The following SEZ6L variants were observed in gnomAD, a reference collection of about 807,000 sequenced individuals.
SEZ6L encodes the protein seizure 6-like protein.
A neutral mutation model predicts 106.2 loss-of-function variants in SEZ6L; 37 were observed. That is an observed-to-expected ratio of 0.35 (90% CI 0.27 to 0.46). The LOEUF (loss-of-function observed/expected upper bound fraction) is 0.46. Ranked by LOEUF, SEZ6L falls within the 20% of genes least tolerant of loss-of-function variation. SEZ6L has a pLI of 1.00. For missense variants in SEZ6L, 1,172 were observed against 1,332.8 expected (o/e 0.88, Z 1.88); for synonymous variants, 541 against 570.4 (o/e 0.95, Z 0.73).
At chr22:26,295,877 A>G (rs1206994394) in intron 3 of SEZ6L, among the ~76,000 whole-genome samples, 2 of 152,204 alleles carry the variant, frequency 1.3e-5, no homozygotes, top group African/African-American at 4.8e-5. Flanking sequence ...CAGCAAAGGA[A>G]CAGGCAAACT....
At chr22:26,193,892 T>G (rs116760203) in intron 1 of SEZ6L, among the ~76,000 whole-genome samples, 332 of 152,278 alleles carry the variant, frequency 2.2e-3, no homozygotes, top group African/African-American at 7.8e-3. Flanking sequence ...GGGAAAGAAG[T>G]TAACCAGAAT....
At chr22:26,260,229 C>A (rs1358212706) in intron 1 of SEZ6L, among the ~76,000 whole-genome samples, 1 of 152,046 alleles carries the variant, frequency 6.6e-6, no homozygotes, top group Non-Finnish European at 1.5e-5. Flanking sequence ...GATTTTGGTG[C>A]ACCCATCACC....
intron 9 of SEZ6L, among the ~76,000 whole-genome samples, chr22:26,316,558 A>C (rs1368997144): frequency 1.3e-5 from 2 of 152,066 alleles, no homozygotes; most frequent in Non-Finnish European, 2.9e-5. Flanking sequence ...CTGGCCAGGC[A>C]TGGTGGCTCA....
chr22:26,251,261 T>C (rs2079568837), intron 1 of SEZ6L, among the ~76,000 whole-genome samples: 1 of 152,206 alleles, frequency 6.6e-6, no homozygotes, highest in South Asian at 2.1e-4. Context: ...CCATTCATTA[T>C]GATGTAAGCT....
intron 12 of SEZ6L, among the ~76,000 whole-genome samples, chr22:26,360,861 G>A (rs2083593567): frequency 1.3e-5 from 2 of 151,784 alleles, no homozygotes; most frequent in Non-Finnish European, 2.9e-5. Context: ...ATGGAACATT[G>A]GAGGAACAGA....
chr22:26,283,280 C>T (rs772755456), intron 1 of SEZ6L, among the ~76,000 whole-genome samples: 1 of 152,006 alleles, frequency 6.6e-6, no homozygotes. Context: ...CCCAAAGATG[C>T]GTATTAATTG....
chr22:26,360,609 A>G (rs1249700038), intron 12 of SEZ6L, among the ~76,000 whole-genome samples: 3 of 152,188 alleles, frequency 2.0e-5, no homozygotes, highest in African/African-American at 7.2e-5. Flanking sequence ...TCTGCACTGC[A>G]GGTAATACAG....
At chr22:26,207,858 C>T (rs1170493934) in intron 1 of SEZ6L, among the ~76,000 whole-genome samples, 1 of 152,014 alleles carries the variant, frequency 6.6e-6, no homozygotes. Flanking sequence ...CATCTACATA[C>T]CTTATAAGCC....
intron 1 of SEZ6L, among the ~76,000 whole-genome samples, chr22:26,277,664 A>G (rs1001465884): frequency 1.3e-5 from 2 of 152,186 alleles, no homozygotes; most frequent in Non-Finnish European, 2.9e-5. Flanking sequence ...TCACTTAAAG[A>G]GATTGACTTT....
intron 1 of SEZ6L, among the ~76,000 whole-genome samples, chr22:26,246,774 G>C (rs1033570972): frequency 6.6e-6 from 1 of 152,206 alleles, no homozygotes; most frequent in African/African-American, 2.4e-5. Flanking sequence ...AATGGGTAGA[G>C]ATGATTAGCA....
intron 1 of SEZ6L, among the ~76,000 whole-genome samples, chr22:26,275,461 C>T (rs759324620): frequency 2.0e-5 from 3 of 152,068 alleles, no homozygotes; most frequent in Non-Finnish European, 4.4e-5. Context: ...GGATGTAACC[C>T]CATCATAAGT....
chr22:26,370,211 T>C (rs577742097), intron 13 of SEZ6L, among the ~76,000 whole-genome samples: 207 of 152,110 alleles, frequency 1.4e-3, no homozygotes, highest in African/African-American at 4.8e-3. Context: ...TGAAACCTCG[T>C]CTCTACTAAA....
At chr22:26,325,570 T>C (rs1320609103) in intron 9 of SEZ6L, among the ~76,000 whole-genome samples, 1 of 152,152 alleles carries the variant, frequency 6.6e-6, no homozygotes, top group Admixed American at 6.5e-5. Flanking sequence ...TTTCAGCATG[T>C]GGGAGACACT....
At chr22:26,358,107 G>A (rs2083496688) in intron 12 of SEZ6L, among the ~76,000 whole-genome samples, 1 of 152,196 alleles carries the variant, frequency 6.6e-6, no homozygotes, top group Non-Finnish European at 1.5e-5. Context: ...GTCTCCTGTG[G>A]CCACATCTTG....
intron 1 of SEZ6L, among the ~76,000 whole-genome samples, chr22:26,236,274 A>G (rs1184538949): frequency 2.0e-5 from 3 of 152,194 alleles, no homozygotes; most frequent in African/African-American, 4.8e-5. Context: ...TGGCCAACCC[A>G]TTAGTTCTCC....
At chr22:26,193,095 A>AT (rs1014588442) in intron 1 of SEZ6L, among the ~76,000 whole-genome samples, 6 of 152,074 alleles carry the variant, frequency 3.9e-5, no homozygotes, top group Non-Finnish European at 7.3e-5. Flanking sequence ...CATTGGGAAC[A>AT]TTTTTTTTCC....
At chr22:26,199,451 T>A (rs1940789427) in intron 1 of SEZ6L, among the ~76,000 whole-genome samples, 1 of 152,230 alleles carries the variant, frequency 6.6e-6, no homozygotes, top group Non-Finnish European at 1.5e-5. Flanking sequence ...AGTTTGATGA[T>A]GTTGGGAGCC....
chr22:26,294,240 G>A, intron 2 of SEZ6L, 52 bp from the exon 3 acceptor site: 2 of 1,600,036 alleles, frequency 1.2e-6, no homozygotes. Context: ...GCCCATGGTT[G>A]AGCTTACATC....
chr22:26,350,113 T>C (rs182975447), intron 11 of SEZ6L, among the ~76,000 whole-genome samples: 129 of 151,918 alleles, frequency 8.5e-4, no homozygotes, highest in African/African-American at 2.8e-3. Flanking sequence ...CAAATAATAA[T>C]GCAATATGCA....
Sources: gnomAD v4.1 joint callset for allele counts (sites outside exome capture counted in the v4.1 genomes callset) on GRCh38, gnomAD v4.1.1 for gene constraint, MANE v1.5 for transcripts, NCBI Gene and HGNC (gene_info 2026-07-23, HGNC 2026-07-21) for gene names.